Variants in LRRC63 observed in about 807,000 individuals in gnomAD.
LRRC63 encodes leucine-rich repeat-containing protein 63.
Under a neutral mutation model 49.5 loss-of-function variants are expected in LRRC63, and 40 were observed. The ratio of observed to expected loss-of-function variants is 0.81; its 90% CI spans 0.63 to 1.05. The LOEUF is 1.05. Ranked by LOEUF, LRRC63 falls within the 50% of genes least tolerant of loss-of-function variation. The probability of loss-of-function intolerance (pLI) is 0.00; values close to 1 mark genes in which losing one functional copy is unlikely to be tolerated. For missense variants in LRRC63, 636 were observed against 663.1 expected (o/e 0.96, Z 0.45); for synonymous variants, 191 against 221.1 (o/e 0.86, Z 1.21).
chr13:46,219,288 C>G (rs921863771), intron 2 of LRRC63, among the ~76,000 whole-genome samples: 1 of 152,128 alleles, frequency 6.6e-6, no homozygotes, highest in African/African-American at 2.4e-5. Flanking sequence ...TTCTTGGAGG[C>G]TTTGTTCGTT....
intron 5 of LRRC63, among the ~76,000 whole-genome samples, chr13:46,239,992 G>A (rs1011512987): frequency 2.0e-5 from 3 of 151,990 alleles, no homozygotes; most frequent in Non-Finnish European, 4.4e-5. Flanking sequence ...GGTATTGAAG[G>A]AACATACCTC....
intron 2 of LRRC63, among the ~76,000 whole-genome samples, chr13:46,221,627 G>A (rs545155149): frequency 6.6e-6 from 1 of 152,238 alleles, no homozygotes; most frequent in South Asian, 2.1e-4. Flanking sequence ...TTTGAAGAGA[G>A]GGGTTCATAA....
At chr13:46,215,104 T>G (rs544099235) in intron 2 of LRRC63, among the ~76,000 whole-genome samples, 6 of 152,372 alleles carry the variant, frequency 3.9e-5, no homozygotes, top group African/African-American at 1.4e-4. Flanking sequence ...GTAGAATGAT[T>G]TATGTTCCTT....
intron 4 of LRRC63, among the ~76,000 whole-genome samples, chr13:46,232,417 G>A (rs2046791057): frequency 6.6e-6 from 1 of 152,204 alleles, no homozygotes. Context: ...TTATCATAGA[G>A]TTTTGTGTTT....
chr13:46,219,791 G>T (rs906738424), intron 2 of LRRC63, among the ~76,000 whole-genome samples: 1 of 152,158 alleles, frequency 6.6e-6, no homozygotes, highest in East Asian at 1.9e-4. Flanking sequence ...TTTCTGTGTG[G>T]ACATCTTTTT....
intron 2 of LRRC63, among the ~76,000 whole-genome samples, chr13:46,221,677 A>G (rs920206557): frequency 6.6e-6 from 1 of 152,198 alleles, no homozygotes; most frequent in African/African-American, 2.4e-5. Context: ...CTCAAGTGCC[A>G]TATGGATCAA....
At chr13:46,235,568 T>C (rs1039203615) in intron 5 of LRRC63, among the ~76,000 whole-genome samples, 8 of 152,236 alleles carry the variant, frequency 5.3e-5, no homozygotes, top group Non-Finnish European at 4.4e-5. Flanking sequence ...TAACACATAA[T>C]AATTATTAAG....
intron 2 of LRRC63, among the ~76,000 whole-genome samples, chr13:46,224,032 G>C (rs977682444): frequency 6.6e-6 from 1 of 152,196 alleles, no homozygotes; most frequent in Non-Finnish European, 1.5e-5. Context: ...CCATGGGGAA[G>C]ACATTTTTGC....
At chr13:46,228,533 C>T (rs625052) in intron 3 of LRRC63, 132 bp from the exon 4 acceptor site, 204,674 of 641,764 alleles carry the variant, frequency 0.32, 34,221 homozygotes, top group African/African-American at 0.44. Flanking sequence ...TGCTGATAGA[C>T]GCCTTCATGA....
At chr13:46,255,645 A>AGTATATATATATATATAT (rs2047489212) in intron 7 of LRRC63, among the ~76,000 whole-genome samples, 1 of 129,468 alleles carries the variant, frequency 7.7e-6, no homozygotes, top group East Asian at 2.5e-4. Context: ...CCCTGCCTCA[A>AGTATATATATATATATAT]ATATATATAT....
intron 7 of LRRC63, among the ~76,000 whole-genome samples, chr13:46,252,399 T>C (rs918862715): frequency 6.6e-6 from 1 of 151,996 alleles, no homozygotes; most frequent in Admixed American, 6.6e-5. Context: ...ATTCTGGAGT[T>C]TGGACATTAT....
exon 2 of LRRC63, chr13:46,213,117 C>G: frequency 2.6e-6 from 4 of 1,534,904 alleles, no homozygotes; most frequent in Non-Finnish European, 3.5e-6. Flanking sequence ...AAAACCCATA[C>G]AGGTATGTGT....
At chr13:46,258,455 A>G (rs1187529638) in intron 7 of LRRC63, among the ~76,000 whole-genome samples, 1 of 150,822 alleles carries the variant, frequency 6.6e-6, no homozygotes, top group African/African-American at 2.4e-5. Context: ...TTCAGTTTCC[A>G]TCTGAAAGTT....
rs1007270380 is a variant in LRRC63, at chr13:46,218,432, TG to T, written c.85+5314del. Among the ~76,000 whole-genome samples, 198 of 45,002 alleles carry T rather than the reference TG, an allele frequency of 4.4e-3. 1 individual carries two copies. Among genetic ancestry groups the T allele is most frequent in the African/African-American group, 0.028 (143 of 5,134 alleles). 29.5% of individuals were successfully genotyped at this position (45,002 alleles called of 152,430 possible). ...TGGGATTGCAACCCCTGCTTTTTTT[TG>T]TTTTGCTTTCCATTTGCTTGGTAAA... On this transcript the variant is annotated intron_variant, in intron 2 of 9. Transcript: ENST00000595396.
intron 7 of LRRC63, among the ~76,000 whole-genome samples, chr13:46,251,381 T>TA (rs2047377225): frequency 6.6e-6 from 1 of 151,870 alleles, no homozygotes; most frequent in Non-Finnish European, 1.5e-5. Context: ...ACTACATATA[T>TA]AAAAAGAAAG....
chr13:46,262,061 A>G (rs2047623197), intron 8 of LRRC63, 69 bp downstream of exon 8: 1 of 493,144 alleles, frequency 2.0e-6, no homozygotes, highest in Non-Finnish European at 3.2e-6. Context: ...GTGATAGAGA[A>G]AATCAATCCT....
At chr13:46,218,859 G>A (rs1003465176) in intron 2 of LRRC63, among the ~76,000 whole-genome samples, 2 of 152,182 alleles carry the variant, frequency 1.3e-5, no homozygotes, top group African/African-American at 2.4e-5. Flanking sequence ...CTTTGCTTAT[G>A]AAGCTTAGTT....
chr13:46,214,605 T>C (rs551108405), intron 2 of LRRC63, among the ~76,000 whole-genome samples: 1 of 152,134 alleles, frequency 6.6e-6, no homozygotes, highest in East Asian at 1.9e-4. Context: ...GACAGAGGGC[T>C]TTGCACATAG....
chr13:46,217,634 C>A (rs2046290523), intron 2 of LRRC63, among the ~76,000 whole-genome samples: 1 of 152,082 alleles, frequency 6.6e-6, no homozygotes, highest in African/African-American at 2.4e-5. Flanking sequence ...TTAGTTATTT[C>A]TTGTCTTCTG....
Sources: allele counts gnomAD v4.1 joint callset (sites outside exome capture counted in the v4.1 genomes callset), GRCh38; gene constraint gnomAD v4.1.1; transcripts MANE v1.5; gene names NCBI Gene and HGNC (gene_info 2026-07-23, HGNC 2026-07-21).